Variants in KIF1A observed in about 807,000 individuals in gnomAD.
The protein encoded by KIF1A is kinesin family member 1A, also known as kinesin-like protein KIF1A.
Under a neutral mutation model 227.3 loss-of-function variants are expected in KIF1A, and 46 were observed. The observed-to-expected ratio is 0.20, with a 90% CI of 0.16 to 0.26. KIF1A has a LOEUF of 0.26. KIF1A is among the 10% of genes least tolerant of loss of function. KIF1A has a pLI of 1.00. For missense variants in KIF1A, 1,683 were observed against 2,485.9 expected (o/e 0.68, Z 6.87); for synonymous variants, 1,022 against 1,012.8 (o/e 1.01, Z -0.17).
chr2:240,785,298 C>A (rs74704222), intron 6 of KIF1A, among the ~76,000 whole-genome samples, 198 bp from the exon 7 acceptor site: 1 of 152,150 alleles, frequency 6.6e-6, no homozygotes. Flanking sequence ...CCCACAGTGG[C>A]GTCCTCAGCC....
chr2:240,784,470 T>G (rs2054458709), intron 7 of KIF1A, among the ~76,000 whole-genome samples: 1 of 152,214 alleles, frequency 6.6e-6, no homozygotes, highest in Non-Finnish European at 1.5e-5. Context: ...TCAGCCATCC[T>G]GAGCCCCCGC....
chr2:240,742,955 G>A lies in KIF1A; in HGVS notation c.3614C>T (p.Pro1205Leu), dbSNP rs1221795464. The change falls in exon 34 of 49, where the codon CCT becomes CTT. Residue 1205 changes from proline to leucine, a missense_variant. Physicochemically the swap from Pro to Leu is moderately conservative, Grantham distance 98 (BLOSUM62 -3). Around this residue, in one of 12 missense-constraint regions of KIF1A, gnomAD observed 759 missense variants for 1,020.2 expected, o/e 0.74. Coordinates refer to ENST00000498729, the MANE Select transcript of KIF1A (RefSeq NM_001244008.2). ...SPLRPSRRHFPRVMPLSKPVP... is the reference protein window; with the variant it reads ...SPLRPSRRHFLRVMPLSKPVP... ...TGGCTTGGACAGTGGCATGACCCGA[G>A]GGAAGTGGCGGCGCGAGGGCCTCAG... 2.5e-6 allele frequency: 4 copies of A among 1,611,672 alleles called. No homozygotes were observed. Among genetic ancestry groups the A allele is most frequent in the East Asian group, 2.2e-5 (1 of 44,846 alleles).
chr2:240,775,961 C>T lies in KIF1A; in HGVS notation c.883-35G>A, dbSNP rs754175647. 1.2e-5 allele frequency: 18 copies of T among 1,450,182 alleles called. No individual in the cohort carries two copies. The highest frequency in any genetic ancestry group is 1.7e-5 in the Non-Finnish European group (18 of 1,031,210). 89.8% of individuals were successfully genotyped at this position (1,450,182 alleles called of 1,614,324 possible). A position where few individuals can be genotyped will look rare whatever the true frequency, so the allele number is the denominator to read the frequency against. ...AGGAACATTCAAGGTCAAGCCCGAGCCCACTGCAGAGGAAGCGAAAGGGAG... is the reference window on the plus strand; with the variant it reads ...AGGAACATTCAAGGTCAAGCCCGAGTCCACTGCAGAGGAAGCGAAAGGGAG... On this transcript the variant is annotated intron_variant, in intron 10 of 48. Transcript: ENST00000498729. This position sits in a 1 kb window ranked among gnomAD's most constrained non-coding sequence, Gnocchi z 5.5.
Position 240,725,473 on chromosome 2 carries a change from T to C in KIF1A, c.4123-69A>G. ...GTGCCCAGGTGCCCTTCCAGCCTTC[T>C]CCTGGGGGCACAATGCCCAGCACCG... On this transcript the variant is annotated intron_variant, in intron 39 of 48. Coordinates refer to ENST00000498729, the MANE Select transcript of KIF1A (RefSeq NM_001244008.2). This position sits in a 1 kb window ranked among gnomAD's most constrained non-coding sequence, Gnocchi z 5.8. The C allele has an allele frequency of 6.4e-7, 1 of 1,554,892 alleles. No individual in the cohort carries two copies. Among genetic ancestry groups the C allele is most frequent in the Non-Finnish European group, 8.8e-7 (1 of 1,139,910 alleles).
Position 240,797,680 on chromosome 2 carries a change from T to C in KIF1A, c.73A>G (p.Lys25Glu). 1 of 1,612,894 alleles carries C rather than the reference T, an allele frequency of 6.2e-7. No individual in the cohort carries two copies. ...CTTCCAGACATCTGAATGATGCACT[T>C]GGAGTCACGGCTCATTTCCCGGGAA... ...FNSREMSRDSKCIIQMSGSTT... is the reference protein window; with the variant it reads ...FNSREMSRDSECIIQMSGSTT... Residue 25 changes from lysine to glutamate, a missense_variant, in exon 2 of 49, where the codon AAG (lysine) becomes GAG (glutamate). Physicochemically the swap from Lys to Glu is moderately conservative, Grantham distance 56. Around this residue, in one of 12 missense-constraint regions of KIF1A, gnomAD observed 71 missense variants for 129.1 expected, o/e 0.55. Transcript: ENST00000498729.
chr2:240,809,858 C>T (rs1575672391), intron 1 of KIF1A, among the ~76,000 whole-genome samples: 1 of 147,358 alleles, frequency 6.8e-6, no homozygotes, highest in South Asian at 2.2e-4. Flanking sequence ...GCACGTTGTG[C>T]ACATGTACCC....
chr2:240,723,900 C>A, intron 41 of KIF1A, 75 bp downstream of exon 41: 2 of 1,249,920 alleles, frequency 1.6e-6, no homozygotes, highest in South Asian at 2.4e-5. Context: ...ATGGCAGCTT[C>A]GCTGTGGTCA....
chr2:240,723,121 G>T (rs373184073), intron 42 of KIF1A, among the ~76,000 whole-genome samples: 104 of 152,330 alleles, frequency 6.8e-4, no homozygotes, highest in African/African-American at 2.3e-3. Context: ...GCCCAGCCCC[G>T]CGACTCTCCT....
chr2:240,817,404 A>G, intron 1 of KIF1A, among the ~76,000 whole-genome samples: 1 of 152,144 alleles, frequency 6.6e-6, no homozygotes, highest in East Asian at 1.9e-4. Context: ...GAATGTGGCA[A>G]TGACCTAGAG....
At chr2:240,750,284 A>G (rs1284747504) in intron 28 of KIF1A, 145 bp downstream of exon 28, 2 of 630,780 alleles carry the variant, frequency 3.2e-6, no homozygotes, top group African/African-American at 3.6e-5. Context: ...GACCCCAGGG[A>G]GAGTGGAGGG....
At position 240,740,467 on chromosome 2, in the gene KIF1A, A is replaced by C. The variant is rs2047828936; in HGVS notation, c.3750-103T>G. The C allele has an allele frequency of 1.1e-6, 1 of 937,968 alleles. No homozygotes were observed. The highest frequency in any genetic ancestry group is 1.7e-6 in the Non-Finnish European group (1 of 586,250). 58.1% of individuals were successfully genotyped at this position (937,968 alleles called of 1,614,324 possible). ...GGAGCAAAAACAGGGAAAAGTCAGC[A>C]GCTCCCTCTGGTGAAGATCAGGTGG... On this transcript the variant is annotated intron_variant, in intron 35 of 48. Transcript: ENST00000498729. This position sits in a 1 kb window ranked among gnomAD's most constrained non-coding sequence, Gnocchi z 6.1.
chr2:240,771,180 C>A, intron 14 of KIF1A, 76 bp from the exon 15 acceptor site: 2 of 1,575,372 alleles, frequency 1.3e-6, no homozygotes, highest in Non-Finnish European at 8.7e-7. Context: ...TCGGACACGT[C>A]TATGGGGAGG....
intron 34 of KIF1A, among the ~76,000 whole-genome samples, 198 bp from the exon 35 acceptor site, chr2:240,741,575 C>T (rs970695441): frequency 1.3e-4 from 20 of 152,254 alleles, no homozygotes; most frequent in Non-Finnish European, 5.9e-5. Flanking sequence ...GGCCTTAGCA[C>T]GTCACATGGA....
chr2:240,814,574 G>A (rs1189337722), intron 1 of KIF1A, among the ~76,000 whole-genome samples: 1 of 152,192 alleles, frequency 6.6e-6, no homozygotes, highest in African/African-American at 2.4e-5. Flanking sequence ...CAGGGGACAT[G>A]GCAAGCAGCT....
rs980421874 is a variant in KIF1A at position 240,757,125 on chromosome 2, G to T, written c.2858+194C>A. On this transcript the variant is annotated intron_variant, in intron 27 of 48. Coordinates refer to ENST00000498729, the MANE Select transcript of KIF1A (RefSeq NM_001244008.2). This position sits in a 1 kb window ranked among gnomAD's most constrained non-coding sequence, Gnocchi z 6.2. ...CCCAAAGCGACCGTCTCCAGGATGG[G>T]TGAGCAGCCCCACTGCAAGGATGCA... Among the ~76,000 whole-genome samples the T allele has an allele frequency of 1.3e-5, 2 of 152,238 alleles. No homozygotes were observed. The highest frequency in any genetic ancestry group is 2.9e-5 in the Non-Finnish European group (2 of 68,026).
chr2:240,773,371 A>G, intron 12 of KIF1A, 115 bp from the exon 13 acceptor site: 1 of 1,320,482 alleles, frequency 7.6e-7, no homozygotes, highest in Non-Finnish European at 1.1e-6. Flanking sequence ...CAGCCAGGCC[A>G]AAGGTGGACC....
rs373658287 is a variant in KIF1A, at chr2:240,725,416, G to A, written c.4123-12C>T. ...GTGCAGTTCTCCATCTGAGATAGGC[G>A]GGAGCAGGACTCAGGCACAAGGACA... On this transcript the variant is annotated splice_polypyrimidine_tract_variant and intron_variant, in intron 39 of 48. Transcript: ENST00000498729. The surrounding 1 kb of genome is among the most constrained non-coding windows in gnomAD (Gnocchi z 5.8). 76 of 1,611,568 alleles carry A rather than the reference G, an allele frequency of 4.7e-5. No homozygotes were observed. Among genetic ancestry groups the A allele is most frequent in the East Asian group, 2.0e-4 (9 of 44,846 alleles).
chr2:240,730,806 G>A (rs991447578), intron 38 of KIF1A, among the ~76,000 whole-genome samples: 2 of 152,214 alleles, frequency 1.3e-5, no homozygotes, highest in African/African-American at 4.8e-5. Context: ...AACACAGGCA[G>A]CCCATCTGTC....
chr2:240,803,288 G>A (rs922564420), intron 1 of KIF1A, among the ~76,000 whole-genome samples: 4 of 152,224 alleles, frequency 2.6e-5, no homozygotes, highest in Non-Finnish European at 5.9e-5. Flanking sequence ...TAGCCTTAAA[G>A]GCACAGGGAT....
Sources: gnomAD v4.1 joint callset for allele counts (sites outside exome capture counted in the v4.1 genomes callset) on GRCh38, gnomAD v4.1.1 for gene constraint, gnomAD v4.1.1 regional missense constraint, Gnocchi (gnomAD v3.1) non-coding constraint, MANE v1.5 for transcripts, NCBI Gene and HGNC (gene_info 2026-07-23, HGNC 2026-07-21) for gene names.